The following ACACA variants were observed in gnomAD, a reference collection of about 807,000 sequenced individuals.
ACACA encodes the protein acetyl-CoA carboxylase alpha.
A neutral mutation model predicts 296.1 loss-of-function variants in ACACA; 103 were observed. The observed-to-expected ratio is 0.35, with a 90% CI of 0.30 to 0.41. The LOEUF (loss-of-function observed/expected upper bound fraction) is 0.41. Ranked by LOEUF, ACACA falls within the 10% of genes least tolerant of loss-of-function variation. The probability of loss-of-function intolerance (pLI) is 1.00; values close to 1 mark genes in which losing one functional copy is unlikely to be tolerated. For synonymous variants in ACACA, 953 were observed against 1,038.6 expected (o/e 0.92, Z 1.58); for missense variants, 1,554 against 2,989.7 (o/e 0.52, Z 11.20).
chr17:37,198,438 C>T (rs2078100200), intron 35 of ACACA, among the ~76,000 whole-genome samples: 1 of 152,112 alleles, frequency 6.6e-6, no homozygotes, highest in South Asian at 2.1e-4. Flanking sequence ...TTCTAAAATC[C>T]AGGGCCTGGC....
At chr17:37,378,173 T>G (rs78286030) in intron 1 of ACACA, among the ~76,000 whole-genome samples, 1 of 152,176 alleles carries the variant, frequency 6.6e-6, no homozygotes, top group Admixed American at 6.5e-5. Context: ...TGGATGGAGA[T>G]GAAAAAAGAG....
At chr17:37,274,516 C>T in intron 8 of ACACA, 1 of 771,900 alleles carries the variant, frequency 1.3e-6, no homozygotes. Flanking sequence ...CAAAAGCCAG[C>T]CGAACTAACA....
intron 33 of ACACA, among the ~76,000 whole-genome samples, chr17:37,201,843 G>A (rs1029101786): frequency 1.2e-4 from 18 of 152,092 alleles, no homozygotes; most frequent in African/African-American, 4.1e-4. Flanking sequence ...CCCTTATAAG[G>A]AAGCACATTC....
At chr17:37,151,655 G>C (rs555086134) in intron 43 of ACACA, among the ~76,000 whole-genome samples, 3 of 152,058 alleles carry the variant, frequency 2.0e-5, no homozygotes, top group African/African-American at 7.2e-5. Context: ...CTGGAATTAA[G>C]CAGATAGCCT....
rs117485404 is a variant in ACACA at position 37,400,839 on chromosome 17, A to C, written c.38+5423T>G. Among the ~76,000 whole-genome samples the C allele has an allele frequency of 4.0e-3, 609 of 152,240 alleles. 2 individuals carry two copies. Among genetic ancestry groups the C allele is most frequent in the Non-Finnish European group, 4.8e-3 (326 of 68,020 alleles). On this transcript the variant is annotated intron_variant, in intron 1 of 55. Transcript: ENST00000616317. ...TGTTTCCATGTCTTGGCTATGGTGA[A>C]TAATGCTGCAATGGATATGGGAGTA...
At chr17:37,216,166 CAT>C (rs1306247810) in intron 29 of ACACA, among the ~76,000 whole-genome samples, 36,249 of 147,028 alleles carry the variant, frequency 0.25, 5,019 homozygotes, top group Admixed American at 0.36. Context: ...ACAACATACA[CAT>C]GTTACATATA....
intron 28 of ACACA, among the ~76,000 whole-genome samples, 188 bp downstream of exon 28, chr17:37,223,324 G>A (rs1016244106): frequency 9.2e-5 from 14 of 152,212 alleles, no homozygotes; most frequent in Non-Finnish European, 1.9e-4. Context: ...AGCTGGTGAT[G>A]AGTTCAGATG....
chr17:37,406,335 G>GC lies in ACACA; in HGVS notation c.-37dup, dbSNP rs1265018659. On this transcript the variant is annotated 5_prime_UTR_variant, in exon 1 of 56. It introduces an in-frame stop codon into an upstream open reading frame of the 5' UTR. Transcript: ENST00000616317. ...TTGCGCCTCAATTTGGGCCTCTGAA[G>GC]CCCAAAGAGGGGATGGTTCTTTCCA... 2.4e-5 allele frequency: 39 copies of GC among 1,611,848 alleles called. No individual in the cohort carries two copies. The highest frequency in any genetic ancestry group is 3.1e-5 in the Non-Finnish European group (37 of 1,178,076).
At chr17:37,221,362 A>AT (rs1483995386) in intron 29 of ACACA, among the ~76,000 whole-genome samples, 1 of 152,246 alleles carries the variant, frequency 6.6e-6, no homozygotes, top group East Asian at 1.9e-4. Context: ...CACCCAAAGT[A>AT]TTTTTTTGGT....
chr17:37,347,682 C>T (rs1211150014), intron 1 of ACACA, among the ~76,000 whole-genome samples: 2 of 148,436 alleles, frequency 1.3e-5, no homozygotes, highest in African/African-American at 2.5e-5. Flanking sequence ...GCAGGAGGGT[C>T]GCTTGAGTCC....
intron 37 of ACACA, among the ~76,000 whole-genome samples, chr17:37,191,663 A>G (rs994441888): frequency 6.6e-6 from 1 of 152,182 alleles, no homozygotes; most frequent in Admixed American, 6.5e-5. Context: ...GTGCCTTGCT[A>G]TATACAGACA....
chr17:37,212,329 T>C (rs1453370767), intron 29 of ACACA, among the ~76,000 whole-genome samples: 1 of 152,130 alleles, frequency 6.6e-6, no homozygotes, highest in African/African-American at 2.4e-5. Context: ...AGAACACCAA[T>C]AACAACAAAA....
In ACACA at chr17:37,360,890, G is replaced by A. The variant is rs183907517; in HGVS notation, c.39-21040C>T. On this transcript the variant is annotated intron_variant, in intron 1 of 55. Coordinates refer to ENST00000616317, the MANE Select transcript of ACACA (RefSeq NM_198834.3). The stretch of plus-strand genomic sequence containing the variant: ...CTCACCGAAAAAAATGGCCTGGGAA[G>A]AGGGAAGCCTTGCCTTTCCATAACA... Among the ~76,000 whole-genome samples, 4 of 152,238 alleles carry A rather than the reference G, an allele frequency of 2.6e-5. No homozygotes were observed. In the East Asian group the frequency reaches 7.7e-4, roughly 29 times the overall value.
intron 16 of ACACA, among the ~76,000 whole-genome samples, chr17:37,249,203 A>G (rs1263331585): frequency 2.0e-5 from 3 of 152,186 alleles, no homozygotes; most frequent in Non-Finnish European, 4.4e-5. Context: ...TTCTTCTTTA[A>G]GGCTGAATAA....
At chr17:37,090,154 G>GTGA (rs1250926893) in intron 54 of ACACA, among the ~76,000 whole-genome samples, 1 of 152,216 alleles carries the variant, frequency 6.6e-6, no homozygotes, top group Non-Finnish European at 1.5e-5. Flanking sequence ...AGCCACAGCT[G>GTGA]TGACTACTGG....
intron 11 of ACACA, among the ~76,000 whole-genome samples, chr17:37,261,640 A>G (rs1361547156): frequency 6.6e-6 from 1 of 152,196 alleles, no homozygotes; most frequent in East Asian, 1.9e-4. Flanking sequence ...AAACAATGTC[A>G]GGTGTCTTGA....
chr17:37,150,361 G>A (rs2075985798), intron 44 of ACACA, among the ~76,000 whole-genome samples: 1 of 152,082 alleles, frequency 6.6e-6, no homozygotes, highest in Non-Finnish European at 1.5e-5. Context: ...GGCCAACATG[G>A]TGAAACCCTG....
chr17:37,087,395 T>C lies in ACACA; in HGVS notation c.7073A>G (p.His2358Arg). Residue 2358 changes from histidine to arginine, a missense_variant, in exon 56 of 56, where the codon CAT (histidine) becomes CGT (arginine). Around this residue, in one of 16 missense-constraint regions of ACACA, gnomAD observed 553 missense variants for 1,043.6 expected, o/e 0.53. Coordinates refer to ENST00000616317, the MANE Select transcript of ACACA (RefSeq NM_198834.3). ...AGTGGGTGATATGTGCTGCGTCATATGGATGATGGAATCCATGGCAACCTC... is the reference window on the plus strand; with the variant it reads ...AGTGGGTGATATGTGCTGCGTCATACGGATGATGGAATCCATGGCAACCTC... ...NPEVAMDSII[H>R]MTQHISPTQR... 4 of 1,614,054 alleles carry C rather than the reference T, an allele frequency of 2.5e-6. No homozygotes were observed. Among genetic ancestry groups the C allele is most frequent in the Non-Finnish European group, 3.4e-6 (4 of 1,179,998 alleles).
At chr17:37,186,860 A>C (rs1290254889) in intron 39 of ACACA, among the ~76,000 whole-genome samples, 2 of 151,966 alleles carry the variant, frequency 1.3e-5, no homozygotes, top group African/African-American at 2.4e-5. Flanking sequence ...ATTAGCTAGC[A>C]TGAGGGAAAT....
Sources: allele counts gnomAD v4.1 joint callset (sites outside exome capture counted in the v4.1 genomes callset), GRCh38; gene constraint gnomAD v4.1.1; regional missense constraint gnomAD v4.1.1; transcripts MANE v1.5; gene names NCBI Gene and HGNC (gene_info 2026-07-23, HGNC 2026-07-21).